Variants in NEK10 observed in about 807,000 individuals in gnomAD.
The protein encoded by NEK10 is serine/threonine-protein kinase Nek10.
A neutral mutation model predicts 159.8 loss-of-function variants in NEK10; 122 were observed. That is an observed-to-expected ratio of 0.76 (90% CI 0.66 to 0.89). The LOEUF is 0.89. NEK10 is among the 40% of genes least tolerant of loss of function. The probability of loss-of-function intolerance (pLI) is 0.00; values close to 1 mark genes in which losing one functional copy is unlikely to be tolerated. For missense variants in NEK10, 1,342 were observed against 1,323.1 expected (o/e 1.01, Z -0.22); for synonymous variants, 466 against 457.1 (o/e 1.02, Z -0.25).
intron 22 of NEK10, among the ~76,000 whole-genome samples, chr3:27,274,159 C>A (rs941397287): frequency 6.6e-6 from 1 of 152,174 alleles, no homozygotes; most frequent in African/African-American, 2.4e-5. Flanking sequence ...CTTTCCACTT[C>A]TCCAAAGCTT....
In NEK10 at chr3:27,344,350, C is replaced by G; in HGVS notation, c.284G>C (p.Arg95Thr). 6.3e-7 allele frequency: 1 copy of G among 1,582,194 alleles called. No homozygotes were observed. The highest frequency in any genetic ancestry group is 8.6e-7 in the Non-Finnish European group (1 of 1,156,162). ...ACGCTGAGGATGTTTGCTGAAATTT[C>G]TCTCATTCTTGTAGTTTATACTGAG... ...ENFSINYKNE[R>T]NFSKHPQRKL... is the part of the protein sequence containing the mutation. Residue 95 changes from arginine (R) to threonine (T), a missense_variant, in exon 5 of 36, where the codon AGA becomes ACA. By Grantham distance (71) the Arg-to-Thr change is moderately conservative (BLOSUM62 -1). Coordinates refer to ENST00000691995, the MANE Select transcript of NEK10 (RefSeq NM_001394966.1).
intron 4 of NEK10, among the ~76,000 whole-genome samples, chr3:27,344,592 T>C (rs2047423455): frequency 6.6e-6 from 1 of 152,242 alleles, no homozygotes; most frequent in Non-Finnish European, 1.5e-5. Flanking sequence ...ATTATAAGGT[T>C]AAAAATAAAA....
At chr3:27,348,063 A>G (rs2047696102) in intron 3 of NEK10, among the ~76,000 whole-genome samples, 1 of 152,220 alleles carries the variant, frequency 6.6e-6, no homozygotes, top group Non-Finnish European at 1.5e-5. Flanking sequence ...TGCTAAACGA[A>G]TAAAATTTGT....
intron 23 of NEK10, among the ~76,000 whole-genome samples, chr3:27,234,557 G>A (rs560669103): frequency 2.6e-5 from 4 of 152,144 alleles, no homozygotes; most frequent in South Asian, 2.1e-4. Flanking sequence ...AGCTAACAAG[G>A]GAAGTGAAGG....
intron 23 of NEK10, among the ~76,000 whole-genome samples, chr3:27,223,930 A>G (rs935800205): frequency 6.6e-6 from 1 of 152,144 alleles, no homozygotes; most frequent in African/African-American, 2.4e-5. Flanking sequence ...AATCATCAGG[A>G]AGTTTTGTGG....
chr3:27,223,552 T>C (rs988773382), intron 23 of NEK10, among the ~76,000 whole-genome samples: 1 of 152,222 alleles, frequency 6.6e-6, no homozygotes, highest in Non-Finnish European at 1.5e-5. Context: ...AGCATTGCGT[T>C]CCTCCTTGGG....
At chr3:27,255,825 T>G (rs1025341964) in intron 23 of NEK10, among the ~76,000 whole-genome samples, 5 of 152,206 alleles carry the variant, frequency 3.3e-5, no homozygotes, top group African/African-American at 1.2e-4. Flanking sequence ...TAAAGTTTAT[T>G]CAGTGCCTAT....
intron 23 of NEK10, among the ~76,000 whole-genome samples, chr3:27,240,858 T>A: frequency 6.6e-6 from 1 of 151,542 alleles, no homozygotes; most frequent in East Asian, 1.9e-4. Flanking sequence ...TACACCATGT[T>A]GGCCAGGCTG....
intron 23 of NEK10, among the ~76,000 whole-genome samples, chr3:27,226,347 A>T (rs1257716839): frequency 1.3e-5 from 2 of 151,956 alleles, no homozygotes; most frequent in African/African-American, 4.8e-5. Context: ...GCCTGGCCAC[A>T]GTTTTTAAAA....
At chr3:27,241,605 C>T (rs1038492131) in intron 23 of NEK10, among the ~76,000 whole-genome samples, 3 of 152,178 alleles carry the variant, frequency 2.0e-5, no homozygotes, top group Admixed American at 2.0e-4. Flanking sequence ...GTAACTTGCC[C>T]AAGAAATCCT....
At chr3:27,329,410 CA>C (rs1273649184) in intron 5 of NEK10, among the ~76,000 whole-genome samples, 3 of 152,196 alleles carry the variant, frequency 2.0e-5, no homozygotes, top group Admixed American at 1.3e-4. Context: ...CCAGGTTTCA[CA>C]AGGCTGTTTG....
At position 27,244,072 on chromosome 3, in the gene NEK10, A is replaced by G. The variant is rs528314178; in HGVS notation, c.2090+12224T>C. 2.0e-5 allele frequency among the ~76,000 whole-genome samples: 3 copies of G among 152,328 alleles called. No homozygotes were observed. In the East Asian group the frequency reaches 5.8e-4, roughly 29 times the overall value. On this transcript the variant is annotated intron_variant, in intron 23 of 35. Transcript: ENST00000691995. ...CATCAAGTAACTGTCAGGCTGAGAG[A>G]TACCCTGTGGCTTTACAATGCCAAG...
At chr3:27,139,221 T>C (rs928715883) in intron 31 of NEK10, among the ~76,000 whole-genome samples, 2 of 152,172 alleles carry the variant, frequency 1.3e-5, no homozygotes, top group African/African-American at 4.8e-5. Flanking sequence ...ACTACCCAAG[T>C]AAAACTAACA....
rs755454631 is a variant in NEK10 at position 27,174,444 on chromosome 3, G to A, written c.2771C>T (p.Thr924Ile). 14 of 1,609,870 alleles carry A rather than the reference G, an allele frequency of 8.7e-6. No individual in the cohort carries two copies. The Admixed American group carries it at 1.5e-4, about 18-fold the overall frequency. The change falls in exon 28 of 36, where the codon ACA (threonine) becomes ATA (isoleucine). Residue 924 changes from threonine to isoleucine, a missense_variant. Physicochemically the swap from Thr to Ile is moderately conservative, Grantham distance 89. Coordinates refer to ENST00000691995, the MANE Select transcript of NEK10 (RefSeq NM_001394966.1). The stretch of plus-strand genomic sequence containing the variant: ...ATTGATAACAGAAAGCTTACTGAAT[G>A]TAGATTCTTTCAGAGGGCTTGAACT... ...SSSSSPLKES[T>I]FNILKRSFSA...
intron 5 of NEK10, 113 bp from the exon 6 acceptor site, chr3:27,322,374 T>G: frequency 1.5e-6 from 1 of 658,830 alleles, no homozygotes; most frequent in South Asian, 1.8e-5. Flanking sequence ...TTAGTTAATT[T>G]GCACTGGGGA....
intron 31 of NEK10, among the ~76,000 whole-genome samples, chr3:27,140,162 T>A (rs1292244784): frequency 6.6e-6 from 1 of 152,188 alleles, no homozygotes; most frequent in African/African-American, 2.4e-5. Context: ...CCTATTAAAG[T>A]ATTCCTTGAT....
intron 22 of NEK10, among the ~76,000 whole-genome samples, chr3:27,282,427 C>G (rs1424186616): frequency 6.6e-6 from 1 of 151,326 alleles, no homozygotes; most frequent in Admixed American, 6.6e-5. Flanking sequence ...TACAGCTAAT[C>G]TTCATAGGAA....
chr3:27,310,897 T>G, intron 9 of NEK10, 52 bp downstream of exon 9: 2 of 1,125,380 alleles, frequency 1.8e-6, no homozygotes, highest in Non-Finnish European at 2.7e-6. Context: ...TTCCCTAATG[T>G]GAACTATTGC....
intron 23 of NEK10, chr3:27,214,864 A>G: frequency 8.2e-7 from 1 of 1,224,582 alleles, no homozygotes; most frequent in Non-Finnish European, 1.2e-6. Context: ...AGTTGGAGTA[A>G]GCCATTCCTA....
Sources: gnomAD v4.1 joint callset for allele counts (sites outside exome capture counted in the v4.1 genomes callset) on GRCh38, gnomAD v4.1.1 for gene constraint, MANE v1.5 for transcripts, NCBI Gene and HGNC (gene_info 2026-07-23, HGNC 2026-07-21) for gene names.